The following FBXL19 variants were observed in gnomAD, a reference collection of about 807,000 sequenced individuals.
FBXL19 encodes F-box/LRR-repeat protein 19.
FBXL19 carries 16 observed loss-of-function variants against 71.2 expected under a neutral mutation model. The observed-to-expected ratio is 0.22, with a 90% CI of 0.15 to 0.34. The LOEUF (loss-of-function observed/expected upper bound fraction) is 0.34. Ranked by LOEUF, FBXL19 falls within the 10% of genes least tolerant of loss-of-function variation. The pLI is 1.00. For missense variants in FBXL19, 658 were observed against 968.2 expected (o/e 0.68, Z 4.25); for synonymous variants, 447 against 409.4 (o/e 1.09, Z -1.11).
At chr16:30,924,689 C>T in intron 1 of FBXL19, 1 of 1,478,034 alleles carries the variant, frequency 6.8e-7, no homozygotes, top group Non-Finnish European at 8.9e-7. Flanking sequence ...CGCCGCCCTC[C>T]AGGCCCCTCC....
intron 7 of FBXL19, among the ~76,000 whole-genome samples, chr16:30,941,852 TG>T (rs1354094864): frequency 6.6e-6 from 1 of 152,004 alleles, no homozygotes; most frequent in South Asian, 2.1e-4. Context: ...GCAGGCAGAG[TG>T]GGGGGGCTAT....
chr16:30,932,348 G>A (rs1213615613), intron 7 of FBXL19, among the ~76,000 whole-genome samples: 1 of 152,210 alleles, frequency 6.6e-6, no homozygotes, highest in African/African-American at 2.4e-5. Flanking sequence ...AGTTGCAGGG[G>A]ATGACACCTG....
rs547861787 is a variant in FBXL19, at chr16:30,928,143, G to C, written c.627+180G>C. On this transcript the variant is annotated intron_variant, in intron 5 of 10. Coordinates refer to ENST00000338343, the MANE Select transcript of FBXL19 (RefSeq NM_001382779.1). ...GATAGAGCATGCTCAGTGTGGAGGA[G>C]GGGGGGGACAGGTGAGGTGAGCTGG... 4.7e-5 allele frequency among the ~76,000 whole-genome samples: 7 copies of C among 147,902 alleles called. No individual in the cohort carries two copies. In the South Asian group the frequency reaches 8.4e-4, roughly 18 times the overall value.
At position 30,928,525 on chromosome 16, in the gene FBXL19, G is replaced by A. The variant is rs751468850; in HGVS notation, c.686G>A (p.Arg229Gln). The change falls in exon 6 of 11, where the codon CGA (arginine) becomes CAA (glutamine). Residue 229 changes from arginine (R) to glutamine (Q), a missense_variant. Transcript: ENST00000338343. ...KKVGGDACLL[R>Q]GSDPGGPGLL... ...GTGGGTGGAGACGCCTGCCTCCTCC[G>A]AGGATCGGACCCAGGCGGCCCGGGC... is the stretch of plus-strand genomic sequence containing the variant. 9.3e-6 allele frequency: 15 copies of A among 1,607,258 alleles called. No homozygotes were observed. Among genetic ancestry groups the A allele is most frequent in the East Asian group, 2.3e-5 (1 of 43,912 alleles).
intron 2 of FBXL19, among the ~76,000 whole-genome samples, chr16:30,926,366 A>G (rs1341365885): frequency 1.3e-5 from 2 of 152,220 alleles, no homozygotes; most frequent in African/African-American, 4.8e-5. Flanking sequence ...ATCATGCTGA[A>G]TGAACCTCAG....
At chr16:30,929,801 G>A (rs957523585) in intron 6 of FBXL19, among the ~76,000 whole-genome samples, 2 of 152,170 alleles carry the variant, frequency 1.3e-5, no homozygotes, top group Non-Finnish European at 2.9e-5. Flanking sequence ...TGATCCTCCC[G>A]CCTCGGCCTC....
rs1359602991 is a variant in FBXL19 at position 30,923,696 on chromosome 16, C to T, written c.-788C>T. Among the ~76,000 whole-genome samples, 3 of 151,654 alleles carry T rather than the reference C, an allele frequency of 2.0e-5. No individual in the cohort carries two copies. The highest frequency in any genetic ancestry group is 2.9e-5 in the Non-Finnish European group (2 of 67,868). The stretch of plus-strand genomic sequence containing the variant: ...CACCCCAACTGCCCCCTTCCCCTTT[C>T]CCTCTCCCCCTCTATCCTTTCCTTC... On this transcript the variant is annotated 5_prime_UTR_variant, in exon 1 of 11. Coordinates refer to ENST00000338343, the MANE Select transcript of FBXL19 (RefSeq NM_001382779.1).
intron 9 of FBXL19, among the ~76,000 whole-genome samples, chr16:30,944,764 T>G (rs1461671109): frequency 6.6e-6 from 1 of 152,204 alleles, no homozygotes; most frequent in Non-Finnish European, 1.5e-5. Context: ...CTATGGGCCT[T>G]TCCTCCTTGT....
At chr16:30,926,972 C>G (rs574436004) in intron 2 of FBXL19, among the ~76,000 whole-genome samples, 82 of 152,314 alleles carry the variant, frequency 5.4e-4, no homozygotes, top group African/African-American at 1.9e-3. Flanking sequence ...CCAAAGCCAG[C>G]TGTAATTTCA....
upstream of FBXL19, chr16:30,923,065 T>C (rs1042980350): frequency 4.4e-6 from 2 of 456,714 alleles, no homozygotes; most frequent in Non-Finnish European, 8.8e-6. Flanking sequence ...ATCTTGCTTG[T>C]AGTCCTCTTT....
chr16:30,947,968 G>A lies in FBXL19; in HGVS notation c.*738G>A. The A allele has an allele frequency of 2.4e-6, 1 of 414,140 alleles. No individual in the cohort carries two copies. The highest frequency in any genetic ancestry group is 4.8e-6 in the Non-Finnish European group (1 of 207,656). 25.7% of individuals were successfully genotyped at this position (414,140 alleles called of 1,614,324 possible). A position where few individuals can be genotyped will look rare whatever the true frequency, so the allele number is the denominator to read the frequency against. On this transcript the variant is annotated 3_prime_UTR_variant, in exon 11 of 11. Transcript: ENST00000338343. The stretch of plus-strand genomic sequence containing the variant: ...TCGCGGCCCAGGGGAGTGGCGAGGG[G>A]CGCCCCAACCCCCTGCCCGCCTCTC...
chr16:30,923,543 G>A (rs1238605176), upstream of FBXL19, among the ~76,000 whole-genome samples: 3 of 126,706 alleles, frequency 2.4e-5, no homozygotes, highest in Non-Finnish European at 3.4e-5. Flanking sequence ...GAGGAGGAGG[G>A]AAGGAGGAGG....
At position 30,947,355 on chromosome 16, in the gene FBXL19, A is replaced by G; in HGVS notation, c.*125A>G. Reference sequence around the variant, plus strand: ...GATTCCTGAGTGTCAGTGACTTGGGATTCCCACCCAGGGACTCAAGCCAGC... The same window carrying G: ...GATTCCTGAGTGTCAGTGACTTGGGGTTCCCACCCAGGGACTCAAGCCAGC... On this transcript the variant is annotated 3_prime_UTR_variant, in exon 11 of 11. Transcript: ENST00000338343. 2 of 809,448 alleles carry G rather than the reference A, an allele frequency of 2.5e-6. No homozygotes were observed. Among genetic ancestry groups the G allele is most frequent in the Non-Finnish European group, 3.8e-6 (2 of 528,198 alleles). 50.1% of individuals were successfully genotyped at this position (809,448 alleles called of 1,614,324 possible).
chr16:30,927,608 C>A lies in FBXL19; in HGVS notation c.357C>A (p.Ile119=), dbSNP rs200698040. The A allele has an allele frequency of 5.1e-6, 8 of 1,563,122 alleles. No homozygotes were observed. The African/African-American group carries it at 8.1e-5, about 16-fold the overall frequency. ...GKAEGVINAE[I]PNCWECPRCT... is the part of the protein sequence containing the mutation. ...CTGAGGGTGTCATCAATGCAGAGAT[C>A]CCCAACTGCTGGGAGTGCCCTCGCT... The change falls in exon 4 of 11, where the codon ATC becomes ATA. Residue 119 remains isoleucine, a synonymous_variant. Coordinates refer to ENST00000338343, the MANE Select transcript of FBXL19 (RefSeq NM_001382779.1).
Position 30,942,967 on chromosome 16 carries a change from C to T in FBXL19, c.1627+431C>T, listed in dbSNP as rs1474318906. 2.0e-5 allele frequency among the ~76,000 whole-genome samples: 3 copies of T among 152,234 alleles called. No individual in the cohort carries two copies. The highest frequency in any genetic ancestry group is 4.1e-4 in the South Asian group (2 of 4,836). ...TTGAGAGCAGCCCGCCAGCATAATA[C>T]TGGGCAATTGTGGAGTGCCTTGATG... is the stretch of plus-strand genomic sequence containing the variant. On this transcript the variant is annotated intron_variant, in intron 9 of 10. Transcript: ENST00000338343. The surrounding 1 kb of genome is among the most constrained non-coding windows in gnomAD (Gnocchi z 5.7).
intron 9 of FBXL19, among the ~76,000 whole-genome samples, chr16:30,945,945 A>G (rs938025543): frequency 6.6e-6 from 1 of 151,976 alleles, no homozygotes. Context: ...AAAATGATGC[A>G]AGGAAGTGGT....
intron 2 of FBXL19, 82 bp downstream of exon 2, chr16:30,926,013 T>C: frequency 1.5e-6 from 2 of 1,370,474 alleles, no homozygotes; most frequent in South Asian, 3.5e-5. Flanking sequence ...TCCCAGCCTG[T>C]ACTGTGGAGT....
chr16:30,933,268 G>T (rs1358488708), intron 7 of FBXL19, among the ~76,000 whole-genome samples: 3 of 152,126 alleles, frequency 2.0e-5, no homozygotes, highest in African/African-American at 7.2e-5. Context: ...CTCCCAAAGT[G>T]CTGAGATTAC....
At chr16:30,929,258 G>A (rs1376380990) in intron 6 of FBXL19, among the ~76,000 whole-genome samples, 1 of 152,176 alleles carries the variant, frequency 6.6e-6, no homozygotes, top group African/African-American at 2.4e-5. Flanking sequence ...GTGCCTTTAA[G>A]CCTCGGTTTC....
Sources: allele counts gnomAD v4.1 joint callset (sites outside exome capture counted in the v4.1 genomes callset), GRCh38; gene constraint gnomAD v4.1.1; non-coding constraint Gnocchi (gnomAD v3.1); transcripts MANE v1.5; gene names NCBI Gene and HGNC (gene_info 2026-07-23, HGNC 2026-07-21).